The following HEATR9 variants were observed in gnomAD, a reference collection of about 807,000 sequenced individuals.
The protein encoded by HEATR9 is HEAT repeat containing 9.
A neutral mutation model predicts 68.2 loss-of-function variants in HEATR9; 54 were observed. That is an observed-to-expected ratio of 0.79 (90% CI 0.64 to 0.99). The LOEUF (loss-of-function observed/expected upper bound fraction) is 0.99. Among genes scored for constraint, HEATR9 ranks in the 50% least tolerant of loss-of-function variants. HEATR9 has a pLI of 0.00. For synonymous variants in HEATR9, 241 were observed against 253.5 expected (o/e 0.95, Z 0.47); for missense variants, 662 against 679.7 (o/e 0.97, Z 0.29).
intron 9 of HEATR9, 102 bp downstream of exon 9, chr17:35,858,786 G>C: frequency 7.8e-7 from 1 of 1,283,606 alleles, no homozygotes; most frequent in South Asian, 1.3e-5. Context: ...GCACACAGAG[G>C]ATCCTGCAGT....
At chr17:35,868,632 A>G (rs747558862) in intron 1 of HEATR9, 23 bp downstream of exon 1, 1 of 1,614,004 alleles carries the variant, frequency 6.2e-7, no homozygotes, top group Admixed American at 1.7e-5. Context: ...TCTTGGCTCC[A>G]TTTCTGTCCA....
intron 2 of HEATR9, 29 bp from the exon 3 acceptor site, chr17:35,865,425 GA>G: frequency 6.2e-7 from 1 of 1,602,272 alleles, no homozygotes; most frequent in African/African-American, 1.3e-5. Flanking sequence ...AGAACAGTCA[GA>G]GGGGTCCCCT....
intron 3 of HEATR9, 26 bp downstream of exon 3, chr17:35,865,189 A>G (rs760006271): frequency 6.2e-7 from 1 of 1,604,440 alleles, no homozygotes. Context: ...GAGGGTGAGA[A>G]GAATATGGAG....
In HEATR9 at chr17:35,863,573, C is replaced by T. The variant is rs756029824; in HGVS notation, c.568-14G>A. 1.6e-5 allele frequency: 26 copies of T among 1,613,774 alleles called. No individual in the cohort carries two copies. Among genetic ancestry groups the T allele is most frequent in the Middle Eastern group, 3.3e-4 (2 of 6,084 alleles). On this transcript the variant is annotated splice_polypyrimidine_tract_variant and intron_variant, in intron 6 of 14. Transcript: ENST00000604834. ...ACCAGTTTGGGCCTAATTTAAGAGG[C>T]GGGTGGTAGGAACATATAATAAGGT...
intron 8 of HEATR9, chr17:35,861,247 A>C: frequency 6.5e-7 from 1 of 1,544,438 alleles, no homozygotes; most frequent in Non-Finnish European, 8.9e-7. Flanking sequence ...GTTCGTTATA[A>C]ATTTAGCTTG....
intron 1 of HEATR9, 45 bp from the exon 2 acceptor site, chr17:35,866,818 C>G: frequency 6.3e-7 from 1 of 1,587,212 alleles, no homozygotes; most frequent in Non-Finnish European, 8.7e-7. Context: ...AATGAGATAG[C>G]AGTTGCAGGC....
chr17:35,856,843 A>T (rs182156409), intron 11 of HEATR9, 38 bp from the exon 12 acceptor site: 1 of 1,534,724 alleles, frequency 6.5e-7, no homozygotes, highest in African/African-American at 1.4e-5. Context: ...GAGAGAGGGA[A>T]TGCAAGGGTG....
At chr17:35,863,932 A>T (rs2088095253) in intron 6 of HEATR9, 1 of 537,608 alleles carries the variant, frequency 1.9e-6, no homozygotes, top group Non-Finnish European at 3.3e-6. Context: ...GCTGATGTAT[A>T]CATATGCGGT....
At chr17:35,862,460 G>A (rs1341687892) in intron 8 of HEATR9, among the ~76,000 whole-genome samples, 1 of 152,156 alleles carries the variant, frequency 6.6e-6, no homozygotes, top group Non-Finnish European at 1.5e-5. Context: ...CTTCTTGACA[G>A]GTTTTACCAT....
intron 8 of HEATR9, 76 bp from the exon 9 acceptor site, chr17:35,859,146 A>G: frequency 8.0e-7 from 1 of 1,252,518 alleles, no homozygotes; most frequent in Non-Finnish European, 1.1e-6. Flanking sequence ...GACTATATTC[A>G]CCTTCCTCCC....
intron 10 of HEATR9, 39 bp downstream of exon 10, chr17:35,858,394 G>A: frequency 6.2e-7 from 1 of 1,613,994 alleles, no homozygotes. Flanking sequence ...CCCTATCCTA[G>A]TGCCGGGAAA....
At chr17:35,864,029 GGA>G in intron 6 of HEATR9, 1 of 582,214 alleles carries the variant, frequency 1.7e-6, no homozygotes, top group Admixed American at 3.0e-5. Flanking sequence ...GTTAGACCAG[GGA>G]GATCTTCAGA....
chr17:35,860,228 C>CAAA (rs540689261), intron 8 of HEATR9, among the ~76,000 whole-genome samples: 5 of 125,378 alleles, frequency 4.0e-5, no homozygotes, highest in African/African-American at 8.7e-5. Context: ...ACTAAAAATA[C>CAAA]AAAAAAAAAA....
intron 2 of HEATR9, among the ~76,000 whole-genome samples, chr17:35,865,995 C>G (rs1048233910): frequency 1.3e-5 from 2 of 152,162 alleles, no homozygotes; most frequent in Non-Finnish European, 2.9e-5. Context: ...ACCGCTGTCA[C>G]TGTAATGGAG....
chr17:35,860,931 A>G (rs1384022693), intron 8 of HEATR9, among the ~76,000 whole-genome samples: 2 of 152,150 alleles, frequency 1.3e-5, no homozygotes, highest in Admixed American at 6.5e-5. Context: ...CTGTAATCCC[A>G]GCTACCTGGG....
chr17:35,868,176 A>G (rs117639761), intron 1 of HEATR9, among the ~76,000 whole-genome samples: 1 of 152,204 alleles, frequency 6.6e-6, no homozygotes. Context: ...AGTGTTTCTT[A>G]GTGATTAACA....
intron 10 of HEATR9, 45 bp from the exon 11 acceptor site, chr17:35,858,364 T>C (rs757973235): frequency 1.2e-6 from 2 of 1,613,984 alleles, no homozygotes; most frequent in South Asian, 2.2e-5. Flanking sequence ...GAAAGATGGA[T>C]TCCCTTCTTC....
intron 8 of HEATR9, among the ~76,000 whole-genome samples, chr17:35,861,864 T>G (rs965220767): frequency 6.9e-6 from 1 of 144,106 alleles, no homozygotes; most frequent in Admixed American, 7.0e-5. Context: ...TTTTTCTTGG[T>G]TTTTTTTTTT....
intron 12 of HEATR9, 75 bp from the exon 13 acceptor site, chr17:35,856,299 C>A: frequency 6.2e-7 from 1 of 1,613,978 alleles, no homozygotes; most frequent in South Asian, 1.1e-5. Context: ...GGTTGCTTTT[C>A]AGGTCCAGAG....
Sources: allele counts gnomAD v4.1 joint callset (sites outside exome capture counted in the v4.1 genomes callset), GRCh38; gene constraint gnomAD v4.1.1; transcripts MANE v1.5; gene names NCBI Gene and HGNC (gene_info 2026-07-23, HGNC 2026-07-21).